Variants in RELN observed in about 807,000 individuals in gnomAD.
RELN encodes the protein reelin.
Under a neutral mutation model 427.6 loss-of-function variants are expected in RELN, and 108 were observed. The observed-to-expected ratio is 0.25, with a 90% confidence interval of 0.22 to 0.30. RELN has a LOEUF of 0.30. Ranked by LOEUF, RELN falls within the 10% of genes least tolerant of loss-of-function variation. RELN has a pLI of 1.00. For missense variants in RELN, 3,715 were observed against 4,302.8 expected (o/e 0.86, Z 3.82); for synonymous variants, 1,524 against 1,513.4 (o/e 1.01, Z -0.16).
chr7:103,915,915 G>A (rs1795472810), intron 2 of RELN, among the ~76,000 whole-genome samples: 1 of 152,108 alleles, frequency 6.6e-6, no homozygotes, highest in African/African-American at 2.4e-5. Flanking sequence ...AGCAGAAAAA[G>A]GATGGGACTA....
chr7:103,632,406 A>G (rs1832490161), intron 19 of RELN, among the ~76,000 whole-genome samples: 1 of 152,240 alleles, frequency 6.6e-6, no homozygotes, highest in South Asian at 2.1e-4. Context: ...TTATCAGTAT[A>G]TGCCTGATAG....
intron 8 of RELN, among the ~76,000 whole-genome samples, chr7:103,712,665 T>C (rs1001407505): frequency 6.6e-6 from 1 of 152,176 alleles, no homozygotes; most frequent in Non-Finnish European, 1.5e-5. Context: ...TCAACTCAGG[T>C]CTTGCTGCCA....
At position 103,741,635 on chromosome 7, in the gene RELN, C is replaced by T. The variant is rs503791; in HGVS notation, c.656+7791G>A. ...AAAAGAGAAGAGGGAGGAGAGGGAA[C>T]GGGAGAGGAAGAGATGAAAGCAAGA... On this transcript the variant is annotated intron_variant, in intron 6 of 64. Coordinates refer to ENST00000428762, the MANE Select transcript of RELN (RefSeq NM_005045.4). Among the ~76,000 whole-genome samples the T allele has an allele frequency of 2.0e-4, 29 of 145,598 alleles. 1 individual carries two copies. The highest frequency in any genetic ancestry group is 4.1e-4 in the East Asian group (2 of 4,858).
At chr7:103,950,376 T>C (rs1287262502) in intron 1 of RELN, among the ~76,000 whole-genome samples, 1 of 152,094 alleles carries the variant, frequency 6.6e-6, no homozygotes, top group Non-Finnish European at 1.5e-5. Context: ...TTTACTATAT[T>C]CTAAAATAAA....
At chr7:103,730,919 G>A (rs1749302537) in intron 6 of RELN, among the ~76,000 whole-genome samples, 1 of 151,996 alleles carries the variant, frequency 6.6e-6, no homozygotes, top group Admixed American at 6.6e-5. Context: ...ATCCATTCTT[G>A]TATTTAACAA....
At chr7:103,641,672 G>C (rs976388799) in intron 16 of RELN, among the ~76,000 whole-genome samples, 1 of 152,086 alleles carries the variant, frequency 6.6e-6, no homozygotes, top group Non-Finnish European at 1.5e-5. Flanking sequence ...AATAATTAAA[G>C]AAACATATTA....
At chr7:103,852,458 C>T (rs550479447) in intron 2 of RELN, among the ~76,000 whole-genome samples, 2 of 152,088 alleles carry the variant, frequency 1.3e-5, no homozygotes, top group South Asian at 4.1e-4. Flanking sequence ...TCTTTTCTCA[C>T]ATATGAAATA....
chr7:103,911,057 T>G (rs974933975), intron 2 of RELN, among the ~76,000 whole-genome samples: 2 of 140,560 alleles, frequency 1.4e-5, no homozygotes, highest in African/African-American at 5.7e-5. Flanking sequence ...ACCATCAGAG[T>G]GAACAGGCAA....
intron 51 of RELN, among the ~76,000 whole-genome samples, chr7:103,509,326 C>T (rs564385049): frequency 6.6e-6 from 1 of 152,226 alleles, no homozygotes; most frequent in South Asian, 2.1e-4. Context: ...TCAAACAGAA[C>T]AGAGGCCTCA....
chr7:103,767,364 G>T (rs1791452552), intron 4 of RELN, among the ~76,000 whole-genome samples: 1 of 152,108 alleles, frequency 6.6e-6, no homozygotes, highest in Non-Finnish European at 1.5e-5. Flanking sequence ...CCAGCATTGG[G>T]CTGTGAGTCC....
At chr7:103,605,533 A>G (rs552747187) in intron 22 of RELN, among the ~76,000 whole-genome samples, 1 of 152,350 alleles carries the variant, frequency 6.6e-6, no homozygotes, top group South Asian at 2.1e-4. Context: ...GCTATAAAAC[A>G]TTCTTTTAAA....
At chr7:103,792,337 T>C (rs181055986) in intron 3 of RELN, among the ~76,000 whole-genome samples, 2 of 152,288 alleles carry the variant, frequency 1.3e-5, no homozygotes, top group East Asian at 3.9e-4. Flanking sequence ...CCACAGATGA[T>C]TGGCTAAATA....
chr7:103,874,463 G>A (rs1352665814), intron 2 of RELN, among the ~76,000 whole-genome samples: 1 of 144,748 alleles, frequency 6.9e-6, no homozygotes, highest in Non-Finnish European at 1.5e-5. Flanking sequence ...AAACCCCATT[G>A]TCTCAGCCCA....
At chr7:103,894,813 C>T (rs1466358300) in intron 2 of RELN, among the ~76,000 whole-genome samples, 1 of 152,072 alleles carries the variant, frequency 6.6e-6, no homozygotes, top group African/African-American at 2.4e-5. Context: ...ATGTAAGCAG[C>T]AGATAAGCAA....
intron 2 of RELN, among the ~76,000 whole-genome samples, chr7:103,881,139 C>G (rs1482664221): frequency 6.6e-6 from 1 of 152,174 alleles, no homozygotes; most frequent in East Asian, 1.9e-4. Flanking sequence ...TTCCCTACCA[C>G]CTATTAAGTG....
intron 28 of RELN, among the ~76,000 whole-genome samples, chr7:103,583,840 A>G (rs1466756562): frequency 6.6e-6 from 1 of 152,110 alleles, no homozygotes; most frequent in Non-Finnish European, 1.5e-5. Flanking sequence ...GCTGTGGGAG[A>G]GCGCCACTAC....
chr7:103,848,555 A>G (rs574336582), intron 2 of RELN, among the ~76,000 whole-genome samples: 1 of 152,272 alleles, frequency 6.6e-6, no homozygotes, highest in South Asian at 2.1e-4. Flanking sequence ...TCTTCACTTG[A>G]TAGAATACTG....
intron 27 of RELN, among the ~76,000 whole-genome samples, chr7:103,592,227 TC>T (rs3216269): frequency 0.16 from 24,854 of 152,094 alleles, 2,202 homozygotes; most frequent in Middle Eastern, 0.34. Flanking sequence ...TGTCTGCTGT[TC>T]CCCTACGTGT....
Position 103,865,019 on chromosome 7 carries a change from T to C in RELN, c.338-31347A>G, listed in dbSNP as rs989888297. On this transcript the variant is annotated intron_variant, in intron 2 of 64. Coordinates refer to ENST00000428762, the MANE Select transcript of RELN (RefSeq NM_005045.4). ...GGTGGCAGGCACCTGTAATCCCAGCTACTGGGGAGGCTGAGGTAGGAGAAT... is the reference window on the plus strand; with the variant it reads ...GGTGGCAGGCACCTGTAATCCCAGCCACTGGGGAGGCTGAGGTAGGAGAAT... Among the ~76,000 whole-genome samples the C allele has an allele frequency of 6.0e-5, 9 of 149,982 alleles. 1 individual carries two copies.
Sources: allele counts gnomAD v4.1 joint callset (sites outside exome capture counted in the v4.1 genomes callset), GRCh38; gene constraint gnomAD v4.1.1; transcripts MANE v1.5; gene names NCBI Gene and HGNC (gene_info 2026-07-23, HGNC 2026-07-21).